TRIM65: variants seen among roughly 807,000 people sequenced by gnomAD.
TRIM65 encodes the protein tripartite motif containing 65.
In TRIM65, 46 loss-of-function variants were observed where a neutral mutation model predicts 36.1. That is an observed-to-expected ratio of 1.27 (90% CI 1.01 to 1.63). The LOEUF (loss-of-function observed/expected upper bound fraction) is 1.63, where lower values mean the gene tolerates loss of function less well. Ranked by LOEUF, TRIM65 falls within the 40% of genes most tolerant of loss-of-function variation. The probability of loss-of-function intolerance (pLI) is 0.00; values close to 1 mark genes in which losing one functional copy is unlikely to be tolerated. For missense variants in TRIM65, 708 were observed against 696.6 expected, an observed-to-expected ratio of 1.02 and a Z score of -0.18; for synonymous variants, 346 against 313.6, an observed-to-expected ratio of 1.10 and a Z score of -1.09.
At position 75,890,516 on chromosome 17, in the gene TRIM65, G is replaced by A. The variant is rs191589801; in HGVS notation, c.*263C>T. 2,556 of 366,512 alleles carry A rather than the reference G, an allele frequency of 7.0e-3. 31 individuals are homozygous for A. Among genetic ancestry groups the A allele is most frequent in the Non-Finnish European group, 6.0e-3 (1,248 of 207,062 alleles). The allele number at this position is 366,512 out of a possible 1,614,324, so 22.7% of individuals were successfully genotyped here. Reference sequence around the variant, plus strand: ...CAGAAGTCCCCTGGGCACTGCTCTCGCCTCCCAGGCCCAGACAGTACCTAG... The same window carrying A: ...CAGAAGTCCCCTGGGCACTGCTCTCACCTCCCAGGCCCAGACAGTACCTAG... On this transcript the variant is annotated 3_prime_UTR_variant, in exon 6 of 6. Transcript: ENST00000269383.
intron 1 of TRIM65, among the ~76,000 whole-genome samples, chr17:75,894,100 C>T (rs1567846994): frequency 6.6e-6 from 1 of 152,134 alleles, no homozygotes; most frequent in Admixed American, 6.6e-5. Flanking sequence ...TTCTAGGCAT[C>T]GATTCTTCCT....
Position 75,891,873 on chromosome 17 carries a change from G to A in TRIM65, c.925C>T (p.Pro309Ser), listed in dbSNP as rs2065272262. The A allele has an allele frequency of 6.2e-7, 1 of 1,611,588 alleles. No homozygotes were observed. Among genetic ancestry groups the A allele is most frequent in the Non-Finnish European group, 8.5e-7 (1 of 1,178,860 alleles). Residue 309 changes from proline (P) to serine (S), a missense_variant, in exon 5 of 6, where the codon CCA becomes TCA. Coordinates refer to ENST00000269383, the MANE Select transcript of TRIM65 (RefSeq NM_173547.4). ...CTTGGGACCGGTGCCAGGGGACCTG[G>A]GGCCTCTAGGGGGCAAAGCAGTGTT... ...KPVDLAPVEA[P>S]GPLAPVPSTV... is the part of the protein sequence containing the mutation.
chr17:75,895,385 C>T (rs1462360711), intron 1 of TRIM65, among the ~76,000 whole-genome samples: 1 of 152,174 alleles, frequency 6.6e-6, no homozygotes, highest in Non-Finnish European at 1.5e-5. Context: ...GATCATGTGC[C>T]AACCTGCTTC....
Position 75,892,003 on chromosome 17 carries a change from A to T in TRIM65, c.919+8T>A, listed in dbSNP as rs1343456523. The stretch of plus-strand genomic sequence containing the variant: ...GGACAGCAGGGGGAGGCCTGGGGTC[A>T]GTCTTACCCACGGGGGCTAAGTCCA... On this transcript the variant is annotated splice_region_variant and intron_variant, in intron 4 of 5. Transcript: ENST00000269383. 2 of 1,551,376 alleles carry T rather than the reference A, an allele frequency of 1.3e-6. No individual in the cohort carries two copies. The highest frequency in any genetic ancestry group is 1.7e-6 in the Non-Finnish European group (2 of 1,146,466).
downstream of TRIM65, among the ~76,000 whole-genome samples, chr17:75,884,701 C>G (rs555513438): frequency 6.6e-6 from 1 of 152,176 alleles, no homozygotes; most frequent in South Asian, 2.1e-4. Context: ...TTACTGCAGC[C>G]TCAACATCCC....
At chr17:75,880,684 C>CTAG (rs2065163618) in intron 4 of TRIM65, 1 of 150,564 alleles carries the variant, frequency 6.6e-6, no homozygotes, top group Non-Finnish European at 1.5e-5. Context: ...CCCAAATGTG[C>CTAG]TAGAGGTCAT....
downstream of TRIM65, among the ~76,000 whole-genome samples, chr17:75,883,967 C>G (rs1393619489): frequency 1.1e-4 from 16 of 151,980 alleles, no homozygotes; most frequent in Admixed American, 1.0e-3. Flanking sequence ...GCAAATCCCT[C>G]TGTCTACTAA....
At chr17:75,885,207 T>C (rs1599446055), downstream of TRIM65, among the ~76,000 whole-genome samples, 1 of 152,218 alleles carries the variant, frequency 6.6e-6, no homozygotes, top group South Asian at 2.1e-4. Context: ...ATTACAGGCG[T>C]GAGCCACTGT....
In TRIM65 at chr17:75,896,809, G is replaced by A; in HGVS notation, c.129C>T (p.Cys43=). Residue 43 remains cysteine (C), a synonymous_variant, in exon 1 of 6, where the codon TGC becomes TGT. Transcript: ENST00000269383. ...GACIRDWWDR[C]GKACPECREP... is the part of the protein sequence containing the mutation. ...CCCGGCACTCGGGGCACGCCTTTCC[G>A]CAGCGGTCCCACCAGTCCCGGATGC... 6.6e-7 allele frequency: 1 copy of A among 1,512,996 alleles called. No individual in the cohort carries two copies. The highest frequency in any genetic ancestry group is 8.8e-7 in the Non-Finnish European group (1 of 1,133,302). 93.7% of individuals were successfully genotyped at this position (1,512,996 alleles called of 1,614,324 possible).
At position 75,896,546 on chromosome 17, in the gene TRIM65, T is replaced by C; in HGVS notation, c.392A>G (p.Asp131Gly). The change falls in exon 1 of 6, where the codon GAT becomes GGT. Residue 131 changes from aspartate to glycine, a missense_variant. Physicochemically the swap from Asp to Gly is moderately conservative, Grantham distance 94. Coordinates refer to ENST00000269383, the MANE Select transcript of TRIM65 (RefSeq NM_173547.4). The stretch of plus-strand genomic sequence containing the variant: ...CACCTCGCGCTTGAGGCGCTCGGCA[T>C]CCAGCAGCGCCCGCTCGTGGAGGCG... ...ECRLHERALL[D>G]AERLKREAQL... is the part of the protein sequence containing the mutation. 7.4e-7 allele frequency: 1 copy of C among 1,355,502 alleles called. No homozygotes were observed. Among genetic ancestry groups the C allele is most frequent in the South Asian group, 1.7e-5 (1 of 58,780 alleles). The allele number at this position is 1,355,502 out of a possible 1,614,324, so 84.0% of individuals were successfully genotyped here.
At chr17:75,891,925 G>A in intron 4 of TRIM65, 47 bp from the exon 5 acceptor site, 5 of 1,577,898 alleles carry the variant, frequency 3.2e-6, no homozygotes, top group South Asian at 1.1e-5. Context: ...AGGTCACGAT[G>A]TGTGGGCCCT....
Position 75,892,032 on chromosome 17 carries a change from G to T in TRIM65, c.898C>A (p.Pro300Thr). The change falls in exon 4 of 6, where the codon CCT (proline) becomes ACT (threonine). Residue 300 changes from proline to threonine, a missense_variant. By Grantham distance (38) the Pro-to-Thr change is conservative (BLOSUM62 -1). Transcript: ENST00000269383. ...TTACCCACGGGGGCTAAGTCCACAG[G>T]CTTGGCTGGTGCCCCAGGGTGGCTC... ...EGSHPGAPAK[P>T]VDLAPVEAPG... 3 of 1,551,104 alleles carry T rather than the reference G, an allele frequency of 1.9e-6. No individual in the cohort carries two copies. The highest frequency in any genetic ancestry group is 2.6e-6 in the Non-Finnish European group (3 of 1,146,834).
At chr17:75,892,223 G>A in intron 3 of TRIM65, 38 bp from the exon 4 acceptor site, 3 of 1,589,236 alleles carry the variant, frequency 1.9e-6, no homozygotes, top group Non-Finnish European at 2.6e-6. Flanking sequence ...TGGGCCTGAG[G>A]GGCAGGGAAG....
intron 4 of TRIM65, 53 bp downstream of exon 4, chr17:75,891,958 G>A (rs1010381160): frequency 9.0e-6 from 14 of 1,558,276 alleles, no homozygotes; most frequent in African/African-American, 5.5e-5. Context: ...CCCCCCCAGC[G>A]GGAGGGGCAG....
Position 75,891,338 on chromosome 17 carries a change from T to C in TRIM65, c.995A>G (p.Asn332Ser), listed in dbSNP as rs371884337. 4.2e-5 allele frequency: 68 copies of C among 1,613,264 alleles called. No homozygotes were observed. The highest frequency in any genetic ancestry group is 3.1e-4 in the African/African-American group (23 of 75,010). The change falls in exon 6 of 6, where the codon AAT (asparagine) becomes AGT (serine). Residue 332 changes from asparagine (N) to serine (S), a missense_variant. Transcript: ENST00000269383. ...LRRKLWQNYRNLTFDPVSANR... is the reference protein window; with the variant it reads ...LRRKLWQNYRSLTFDPVSANR... ...GGCGCTGACTGGATCAAAGGTCAGA[T>C]TGCGATAATCTGTTGGGGAAAGGAG...
At chr17:75,896,427 G>A (rs921119684) in intron 1 of TRIM65, 97 bp downstream of exon 1, 1 of 1,221,142 alleles carries the variant, frequency 8.2e-7, no homozygotes, top group African/African-American at 1.6e-5. Context: ...GCCCCCGCCG[G>A]GTGCCCGAGA....
At chr17:75,887,769 C>T (rs544627318), downstream of TRIM65, among the ~76,000 whole-genome samples, 555 of 152,296 alleles carry the variant, frequency 3.6e-3, 4 homozygotes, top group African/African-American at 0.012. Flanking sequence ...CGCCTGTAAT[C>T]CCAGCACTTT....
intron 2 of TRIM65, 62 bp from the exon 3 acceptor site, chr17:75,892,562 A>G: frequency 4.1e-6 from 6 of 1,476,916 alleles, no homozygotes; most frequent in Non-Finnish European, 4.6e-6. Context: ...AAGGGAGGCT[A>G]GGGCCAGGGC....
chr17:75,892,224 G>T lies in TRIM65; in HGVS notation c.745-39C>A, dbSNP rs7220786. 10,226 of 1,589,726 alleles carry T rather than the reference G, an allele frequency of 6.4e-3. 512 individuals are homozygous for T. The African/African-American group carries it at 0.11, about 18-fold the overall frequency. On this transcript the variant is annotated intron_variant, in intron 3 of 5. Transcript: ENST00000269383. ...AGAACAAGTAAGCCTGGGCCTGAGGGGCAGGGAAGCAAGTCCGCCACCTAT... is the reference window on the plus strand; with the variant it reads ...AGAACAAGTAAGCCTGGGCCTGAGGTGCAGGGAAGCAAGTCCGCCACCTAT...
Sources: gnomAD v4.1 joint callset for allele counts (sites outside exome capture counted in the v4.1 genomes callset) on GRCh38, gnomAD v4.1.1 for gene constraint, MANE v1.5 for transcripts, NCBI Gene and HGNC (gene_info 2026-07-23, HGNC 2026-07-21) for gene names.